The following TCF3 variants were observed in gnomAD, a reference collection of about 807,000 sequenced individuals.
TCF3 encodes transcription factor E2-alpha.
A neutral mutation model predicts 72.3 loss-of-function variants in TCF3; 54 were observed. The observed-to-expected ratio is 0.75, with a 90% CI of 0.60 to 0.94. The LOEUF is 0.94. TCF3 is among the 40% of genes least tolerant of loss of function. TCF3 has a pLI of 0.00. For missense variants in TCF3, 1,078 were observed against 934.4 expected (o/e 1.15, Z -2.00); for synonymous variants, 525 against 412.6 (o/e 1.27, Z -3.30).
At chr19:1,635,189 C>A (rs1177629374) in intron 3 of TCF3, among the ~76,000 whole-genome samples, 2 of 152,212 alleles carry the variant, frequency 1.3e-5, no homozygotes, top group Non-Finnish European at 2.9e-5. Context: ...CATCCTATAG[C>A]CCCAGCTCTG....
chr19:1,641,175 A>AG (rs2065185646), intron 3 of TCF3, among the ~76,000 whole-genome samples: 1 of 151,914 alleles, frequency 6.6e-6, no homozygotes, highest in South Asian at 2.1e-4. Context: ...AAAAAAAAAA[A>AG]AAGTTAATGA....
intron 3 of TCF3, among the ~76,000 whole-genome samples, chr19:1,645,865 C>T (rs1379677560): frequency 3.9e-5 from 6 of 152,174 alleles, no homozygotes; most frequent in Non-Finnish European, 8.8e-5. Context: ...CCACAATGGC[C>T]GGTCACCCTG....
chr19:1,648,154 GTATT>G (rs1568517400), intron 2 of TCF3, among the ~76,000 whole-genome samples: 1 of 152,200 alleles, frequency 6.6e-6, no homozygotes, highest in Admixed American at 6.5e-5. Flanking sequence ...GTTCTCCCTC[GTATT>G]TATTTGGAGT....
Position 1,625,609 on chromosome 19 carries a change from T to G in TCF3, c.466A>C (p.Ser156Arg), listed in dbSNP as rs1869943221. The G allele has an allele frequency of 1.3e-6, 2 of 1,584,644 alleles. No individual in the cohort carries two copies. Among genetic ancestry groups the G allele is most frequent in the Non-Finnish European group, 1.7e-6 (2 of 1,168,048 alleles). ...TSQYYPSYSG[S>R]SRRRAADGSL... ...CCGTCTGCCGCTCTCCGCCGGGAGC[T>G]GCCGGAGTAGGAGGGGTAGTACTGG... The change falls in exon 7 of 19, where the codon AGC (serine) becomes CGC (arginine). Residue 156 changes from serine (S) to arginine (R), a missense_variant. Transcript: ENST00000262965.
At chr19:1,647,774 G>A (rs2066349115) in intron 2 of TCF3, among the ~76,000 whole-genome samples, 2 of 152,212 alleles carry the variant, frequency 1.3e-5, no homozygotes, top group Non-Finnish European at 1.5e-5. Context: ...GGTCACATGG[G>A]TACCGGGCTG....
At chr19:1,643,888 G>A (rs1410638781) in intron 3 of TCF3, among the ~76,000 whole-genome samples, 1 of 152,232 alleles carries the variant, frequency 6.6e-6, no homozygotes, top group East Asian at 1.9e-4. Context: ...CAGGGCACAT[G>A]AAGAAGGGGC....
At position 1,621,127 on chromosome 19, in the gene TCF3, C is replaced by A; in HGVS notation, c.1014+6G>T. 2 of 1,539,574 alleles carry A rather than the reference C, an allele frequency of 1.3e-6. No individual in the cohort carries two copies. Among genetic ancestry groups the A allele is most frequent in the South Asian group, 1.2e-5 (1 of 83,624 alleles). ...GCCTGGCCACCCCCCATGCCCCACG[C>A]CTCACCGAGGCCAGTGCTTTGCCGA... On this transcript the variant is annotated splice_donor_region_variant and intron_variant, in intron 12 of 18. Coordinates refer to ENST00000262965, the MANE Select transcript of TCF3 (RefSeq NM_003200.5).
Position 1,610,026 on chromosome 19 carries a change from C to T in TCF3, c.*1681G>A, listed in dbSNP as rs1024060885. ...TGCCACAGTGACCACTGCCCTAGTTCGTGTGGAACTGGATGGGATCCCAGG... is the reference window on the plus strand; with the variant it reads ...TGCCACAGTGACCACTGCCCTAGTTTGTGTGGAACTGGATGGGATCCCAGG... On this transcript the variant is annotated 3_prime_UTR_variant, in exon 19 of 19. Transcript: ENST00000262965. 1.7e-4 allele frequency: 39 copies of T among 232,764 alleles called. No individual in the cohort carries two copies. The highest frequency in any genetic ancestry group is 2.7e-4 in the Non-Finnish European group (32 of 117,844). 14.4% of individuals were successfully genotyped at this position (232,764 alleles called of 1,614,324 possible).
Position 1,632,444 on chromosome 19 carries a change from G to A in TCF3, c.146-39C>T, listed in dbSNP as rs559465322. On this transcript the variant is annotated intron_variant, in intron 3 of 18. Coordinates refer to ENST00000262965, the MANE Select transcript of TCF3 (RefSeq NM_003200.5). ...AGAGAGAGTTATGGGTCACCCTCAC[G>A]CCTGCCCAGCTCTAAAAGCTTCGGT... is the stretch of plus-strand genomic sequence containing the variant. 1.4e-5 allele frequency: 21 copies of A among 1,545,908 alleles called. No homozygotes were observed. The East Asian group carries it at 2.7e-4, about 20-fold the overall frequency.
chr19:1,615,488 G>A lies in TCF3; in HGVS notation c.1619C>T (p.Pro540Leu). 6.2e-7 allele frequency: 1 copy of A among 1,610,630 alleles called. No individual in the cohort carries two copies. The highest frequency in any genetic ancestry group is 8.5e-7 in the Non-Finnish European group (1 of 1,179,830). ...PDEDEDDLLP[P>L]EQKAEREKER... Reference sequence around the variant, plus strand: ...CTTCTCCCGCTCGGCCTTCTGCTCTGGGGGGAGAAGGTCGTCCTCGTCCTC... The same window carrying A: ...CTTCTCCCGCTCGGCCTTCTGCTCTAGGGGGAGAAGGTCGTCCTCGTCCTC... The change falls in exon 18 of 19, where the codon CCA (proline) becomes CTA (leucine). Residue 540 changes from proline (P) to leucine (L), a missense_variant. Coordinates refer to ENST00000262965, the MANE Select transcript of TCF3 (RefSeq NM_003200.5). This position sits in a 1 kb window ranked among gnomAD's most constrained non-coding sequence, Gnocchi z 7.3.
At chr19:1,650,482 G>A (rs2066848391) in intron 1 of TCF3, 195 bp from the exon 2 acceptor site, 1 of 547,244 alleles carries the variant, frequency 1.8e-6, no homozygotes, top group Non-Finnish European at 3.3e-6. Context: ...CAGAGTCTAG[G>A]TCCCTGCAGA....
intron 5 of TCF3, among the ~76,000 whole-genome samples, chr19:1,627,864 C>T (rs1393875823): frequency 8.4e-5 from 1 of 11,918 alleles, no homozygotes; most frequent in African/African-American, 5.9e-4. Flanking sequence ...GGGAAGGGGA[C>T]AGCAGAGCTC....
chr19:1,639,616 C>T (rs1033856558), intron 3 of TCF3, among the ~76,000 whole-genome samples: 2 of 152,116 alleles, frequency 1.3e-5, no homozygotes, highest in Admixed American at 6.6e-5. Context: ...GGCAGAGGAG[C>T]TCTGCGTCCT....
intron 5 of TCF3, among the ~76,000 whole-genome samples, chr19:1,627,677 A>T (rs2063067833): frequency 6.6e-6 from 1 of 152,096 alleles, no homozygotes; most frequent in Non-Finnish European, 1.5e-5. Flanking sequence ...TGGGGACAAG[A>T]AGGGGTCCCC....
At chr19:1,652,219 G>C (rs2067235546) in intron 1 of TCF3, 81 bp downstream of exon 1, 1 of 143,892 alleles carries the variant, frequency 6.9e-6, no homozygotes, top group African/African-American at 2.6e-5. Flanking sequence ...CCCCCAACAA[G>C]CGCGCGCGGG....
chr19:1,612,320 CG>C (rs769011047), intron 18 of TCF3: 3 of 1,613,946 alleles, frequency 1.9e-6, no homozygotes, highest in Non-Finnish European at 2.5e-6. Context: ...CCCCAGCTCC[CG>C]GAAGGCCTCG....
Position 1,621,984 on chromosome 19 carries a change from C to A in TCF3, c.823-14G>T. On this transcript the variant is annotated splice_polypyrimidine_tract_variant and intron_variant, in intron 10 of 18. Coordinates refer to ENST00000262965, the MANE Select transcript of TCF3 (RefSeq NM_003200.5). ...CAGCTGGTAGCCCTGGGGGGTCAGG[C>A]AGGAGGAGGGTGGGTTAGATGGGCA... The A allele has an allele frequency of 4.4e-6, 7 of 1,602,674 alleles. No individual in the cohort carries two copies. Among genetic ancestry groups the A allele is most frequent in the Non-Finnish European group, 6.0e-6 (7 of 1,175,256 alleles).
Position 1,622,230 on chromosome 19 carries a change from AG to A in TCF3, c.653-8del. 1.3e-6 allele frequency: 2 copies of A among 1,539,294 alleles called. No individual in the cohort carries two copies. The highest frequency in any genetic ancestry group is 1.2e-5 in the South Asian group (1 of 81,704). On this transcript the variant is annotated splice_region_variant and splice_polypyrimidine_tract_variant and intron_variant, in intron 9 of 18. Transcript: ENST00000262965. ...GAGGGGTGCAGGCTGCCATCTGTGGAGGGGAGCTGGTAAGGTGGGGGCCGAG... is the reference window on the plus strand; with the variant it reads ...GAGGGGTGCAGGCTGCCATCTGTGGAGGGAGCTGGTAAGGTGGGGGCCGAG...
intron 3 of TCF3, among the ~76,000 whole-genome samples, chr19:1,640,032 T>C (rs928305047): frequency 4.6e-5 from 7 of 151,968 alleles, no homozygotes; most frequent in African/African-American, 7.3e-5. Flanking sequence ...AGAGAGAAAA[T>C]GCACAGGGCA....
Sources: gnomAD v4.1 joint callset for allele counts (sites outside exome capture counted in the v4.1 genomes callset) on GRCh38, gnomAD v4.1.1 for gene constraint, Gnocchi (gnomAD v3.1) non-coding constraint, MANE v1.5 for transcripts, NCBI Gene and HGNC (gene_info 2026-07-23, HGNC 2026-07-21) for gene names.